Variants in MYO1E observed in about 807,000 individuals in gnomAD.
MYO1E encodes the protein unconventional myosin-Ie.
In MYO1E, 68 loss-of-function variants were observed where a neutral mutation model predicts 151.1. The observed-to-expected ratio is 0.45, with a 90% CI of 0.37 to 0.55. The LOEUF (loss-of-function observed/expected upper bound fraction) is 0.55, where lower values mean the gene tolerates loss of function less well. MYO1E is among the 20% of genes least tolerant of loss of function. MYO1E has a pLI of 0.00. For synonymous variants in MYO1E, 601 were observed against 501.7 expected (o/e 1.20, Z -2.64); for missense variants, 1,363 against 1,389.3 (o/e 0.98, Z 0.30).
chr15:59,277,564 A>AAAAAAACAAAAAC (rs2080328210), intron 1 of MYO1E, among the ~76,000 whole-genome samples: 9 of 139,790 alleles, frequency 6.4e-5, no homozygotes, highest in African/African-American at 2.5e-4. Context: ...AAAAAAAAAA[A>AAAAAAACAAAAAC]AAAAAAAAAC....
intron 4 of MYO1E, among the ~76,000 whole-genome samples, chr15:59,249,988 A>G (rs924395388): frequency 6.6e-6 from 1 of 151,930 alleles, no homozygotes; most frequent in South Asian, 2.1e-4. Context: ...CAAGGCCCAG[A>G]CAGGTGTGAG....
At chr15:59,371,171 A>C (rs2140447612) in intron 1 of MYO1E, among the ~76,000 whole-genome samples, 1 of 152,354 alleles carries the variant, frequency 6.6e-6, no homozygotes, top group East Asian at 1.9e-4. Context: ...GTTTGTTTGT[A>C]ATCATTCTTT....
chr15:59,137,906 A>G (rs949165293), intron 27 of MYO1E, among the ~76,000 whole-genome samples: 1 of 152,234 alleles, frequency 6.6e-6, no homozygotes, highest in East Asian at 1.9e-4. Context: ...AGTTTCAGAG[A>G]TGATGCACAT....
At chr15:59,241,274 T>G (rs1017218270) in intron 4 of MYO1E, among the ~76,000 whole-genome samples, 1 of 152,170 alleles carries the variant, frequency 6.6e-6, no homozygotes, top group Non-Finnish European at 1.5e-5. Flanking sequence ...CTCAGCAATG[T>G]GGGAGGCCAC....
intron 18 of MYO1E, among the ~76,000 whole-genome samples, chr15:59,180,041 G>C (rs2079649074): frequency 2.0e-5 from 3 of 152,336 alleles, no homozygotes; most frequent in South Asian, 4.1e-4. Flanking sequence ...GAGTGGCCCT[G>C]CCAGCTGGTT....
chr15:59,321,516 A>G (rs1449649296), intron 1 of MYO1E, among the ~76,000 whole-genome samples: 1 of 152,220 alleles, frequency 6.6e-6, no homozygotes, highest in Non-Finnish European at 1.5e-5. Flanking sequence ...GAAGAGCGAA[A>G]TCATGTCCTT....
chr15:59,212,210 C>G (rs532645947), intron 12 of MYO1E, among the ~76,000 whole-genome samples: 4 of 152,050 alleles, frequency 2.6e-5, no homozygotes, highest in African/African-American at 9.6e-5. Flanking sequence ...CATATGGAAA[C>G]TACCAAACCA....
At chr15:59,192,516 G>T in intron 17 of MYO1E, among the ~76,000 whole-genome samples, 1 of 152,130 alleles carries the variant, frequency 6.6e-6, no homozygotes, top group East Asian at 1.9e-4. Context: ...ACGTGGGGTA[G>T]AGGAGGGTGT....
chr15:59,297,007 TCGCCCGGCTA>T (rs2080453436), intron 1 of MYO1E, among the ~76,000 whole-genome samples: 1 of 46,340 alleles, frequency 2.2e-5, no homozygotes, highest in African/African-American at 4.9e-5. Flanking sequence ...GCCCGGCTAA[TCGCCCGGCTA>T]ATTTTTTGTG....
At chr15:59,280,745 T>G (rs1346332232) in intron 1 of MYO1E, among the ~76,000 whole-genome samples, 1 of 152,194 alleles carries the variant, frequency 6.6e-6, no homozygotes, top group Non-Finnish European at 1.5e-5. Context: ...AGTAGCATCT[T>G]AGGTGTGATA....
intron 1 of MYO1E, among the ~76,000 whole-genome samples, chr15:59,336,346 G>A (rs1323452977): frequency 6.6e-6 from 1 of 151,934 alleles, no homozygotes; most frequent in African/African-American, 2.4e-5. Context: ...CTCCAGTCTC[G>A]GTGATGGGAG....
chr15:59,348,231 C>T (rs2080805266), intron 1 of MYO1E, among the ~76,000 whole-genome samples: 1 of 152,282 alleles, frequency 6.6e-6, no homozygotes, highest in South Asian at 2.1e-4. Flanking sequence ...AAAGGCTTAC[C>T]TTTTGTAAAG....
At chr15:59,236,367 T>TAC (rs1312557127) in intron 5 of MYO1E, among the ~76,000 whole-genome samples, 23 of 23,598 alleles carry the variant, frequency 9.7e-4, no homozygotes, top group South Asian at 3.5e-3. Flanking sequence ...AAAAAAAATA[T>TAC]ATACACACAC....
At chr15:59,299,508 A>G (rs2140402626) in intron 1 of MYO1E, among the ~76,000 whole-genome samples, 1 of 152,332 alleles carries the variant, frequency 6.6e-6, no homozygotes, top group East Asian at 1.9e-4. Context: ...TGATGTTTTA[A>G]AAAGATACAA....
chr15:59,174,313 T>G, intron 19 of MYO1E, 73 bp from the exon 20 acceptor site: 1 of 1,069,656 alleles, frequency 9.3e-7, no homozygotes, highest in Non-Finnish European at 1.5e-6. Context: ...TTCTTGTTAT[T>G]CCAGGGACCC....
intron 1 of MYO1E, among the ~76,000 whole-genome samples, chr15:59,340,547 T>C (rs1311214971): frequency 6.6e-6 from 1 of 152,216 alleles, no homozygotes; most frequent in Non-Finnish European, 1.5e-5. Context: ...CCATGTGTAG[T>C]ATCAAATAAC....
intron 9 of MYO1E, 111 bp downstream of exon 9, chr15:59,222,948 T>C (rs910455887): frequency 5.8e-5 from 87 of 1,506,708 alleles, no homozygotes; most frequent in Non-Finnish European, 7.4e-5. Flanking sequence ...TGTAGATTTA[T>C]CACTTCTTCC....
intron 1 of MYO1E, among the ~76,000 whole-genome samples, chr15:59,327,962 A>T (rs183689277): frequency 2.2e-3 from 342 of 152,314 alleles, no homozygotes; most frequent in African/African-American, 7.9e-3. Flanking sequence ...CACCCTCTCC[A>T]TCCCCAGCAC....
chr15:59,174,921 C>T (rs1317211214), intron 19 of MYO1E, among the ~76,000 whole-genome samples: 3 of 152,080 alleles, frequency 2.0e-5, no homozygotes, highest in Non-Finnish European at 2.9e-5. Flanking sequence ...CTTGAGAGTC[C>T]GGCCATTTTA....
Sources: allele counts gnomAD v4.1 joint callset (sites outside exome capture counted in the v4.1 genomes callset), GRCh38; gene constraint gnomAD v4.1.1; transcripts MANE v1.5; gene names NCBI Gene and HGNC (gene_info 2026-07-23, HGNC 2026-07-21).